The following MYLIP variants were observed in gnomAD, a reference collection of about 807,000 sequenced individuals.
MYLIP encodes the protein E3 ubiquitin-protein ligase MYLIP.
A neutral mutation model predicts 45.8 loss-of-function variants in MYLIP; 26 were observed. The observed-to-expected ratio is 0.57, with a 90% CI of 0.42 to 0.79. The LOEUF (loss-of-function observed/expected upper bound fraction) is 0.79, where lower values mean the gene tolerates loss of function less well. Ranked by LOEUF, MYLIP falls within the 30% of genes least tolerant of loss-of-function variation. The probability of loss-of-function intolerance (pLI) is 0.00; values close to 1 mark genes in which losing one functional copy is unlikely to be tolerated. For synonymous variants in MYLIP, 213 were observed against 218.1 expected, an observed-to-expected ratio of 0.98 and a Z score of 0.21; for missense variants, 494 against 555.6, an observed-to-expected ratio of 0.89 and a Z score of 1.11.
In MYLIP at chr6:16,146,748, C is replaced by G. The variant is rs1157588694; in HGVS notation, c.1335C>G (p.Ile445Met). The change falls in exon 7 of 7, where the codon ATC (isoleucine) becomes ATG (methionine). Residue 445 changes from isoleucine (I) to methionine (M), a missense_variant. Ile to Met is a conservative substitution (Grantham distance 10). Transcript: ENST00000356840. ...THTSLLNLTV[I>M] ...CCAGTCTTCTCAATCTGACTGTAATCTAATCTGTTGTGCTTTTGTTGGACT... is the reference window on the plus strand; with the variant it reads ...CCAGTCTTCTCAATCTGACTGTAATGTAATCTGTTGTGCTTTTGTTGGACT... The G allele has an allele frequency of 1.2e-6, 2 of 1,605,500 alleles. No individual in the cohort carries two copies. Among genetic ancestry groups the G allele is most frequent in the African/African-American group, 2.7e-5 (2 of 74,862 alleles).
At chr6:16,155,798 A>T in the MYLIP span, among the ~76,000 whole-genome samples, 1 of 152,194 alleles carries the variant, frequency 6.6e-6, no homozygotes, top group Non-Finnish European at 1.5e-5. Context: ...AGAACCTGTG[A>T]TGCTGTCCAT....
At chr6:16,133,843 C>T (rs933533588) in intron 2 of MYLIP, among the ~76,000 whole-genome samples, 4 of 152,186 alleles carry the variant, frequency 2.6e-5, no homozygotes, top group Non-Finnish European at 4.4e-5. Flanking sequence ...CATGGATTCT[C>T]TTTTCCAGAA....
the MYLIP span, among the ~76,000 whole-genome samples, chr6:16,158,066 GT>G: frequency 6.6e-6 from 1 of 152,234 alleles, no homozygotes; most frequent in Admixed American, 6.5e-5. Flanking sequence ...TCTTTGACAT[GT>G]GCTCTGGAGG....
the MYLIP span, among the ~76,000 whole-genome samples, chr6:16,159,638 A>C: frequency 6.6e-6 from 1 of 152,116 alleles, no homozygotes; most frequent in East Asian, 1.9e-4. Context: ...AAGGCCACCC[A>C]AGCTCCCAGC....
chr6:16,143,988 G>C, intron 5 of MYLIP, 125 bp downstream of exon 5: 1 of 1,153,236 alleles, frequency 8.7e-7, no homozygotes, highest in Non-Finnish European at 1.2e-6. Flanking sequence ...AAGAAATTCT[G>C]AACATTTTGT....
rs1391934916 is a variant in MYLIP at position 16,129,968 on chromosome 6, G to A, written c.87+559G>A. On this transcript the variant is annotated intron_variant, in intron 1 of 6. Coordinates refer to ENST00000356840, the MANE Select transcript of MYLIP (RefSeq NM_013262.4). This position sits in a 1 kb window ranked among gnomAD's most constrained non-coding sequence, Gnocchi z 5.1. ...ATAGGTTTGGGTCATCTACTGCTCG[G>A]TTGTTTTTAAGCATGTGTTTCCTTA... is the stretch of plus-strand genomic sequence containing the variant. 6.6e-6 allele frequency among the ~76,000 whole-genome samples: 1 copy of A among 152,236 alleles called. No individual in the cohort carries two copies. The highest frequency in any genetic ancestry group is 1.5e-5 in the Non-Finnish European group (1 of 68,040).
the MYLIP span, among the ~76,000 whole-genome samples, chr6:16,155,729 C>T: frequency 3.5e-4 from 53 of 152,300 alleles, no homozygotes; most frequent in East Asian, 8.9e-3. Context: ...GGGGTGAGTG[C>T]TTTCAGGCAC....
chr6:16,162,702 G>A, the MYLIP span, among the ~76,000 whole-genome samples: 2 of 150,038 alleles, frequency 1.3e-5, no homozygotes, highest in African/African-American at 5.0e-5. Flanking sequence ...TATAATCCCG[G>A]CACTTTGGAG....
chr6:16,139,078 A>G (rs756060886), intron 2 of MYLIP, among the ~76,000 whole-genome samples: 14 of 152,294 alleles, frequency 9.2e-5, no homozygotes, highest in Non-Finnish European at 2.9e-5. Context: ...TCTTCTTACT[A>G]TCTAATAAAG....
downstream of MYLIP, among the ~76,000 whole-genome samples, chr6:16,148,925 TA>T (rs1456046774): frequency 6.6e-6 from 1 of 152,212 alleles, no homozygotes; most frequent in African/African-American, 2.4e-5. Flanking sequence ...GAAGTAAATT[TA>T]TTTTTTTTAA....
rs772709118 is a variant in MYLIP at position 16,145,054 on chromosome 6, G to A, written c.985G>A (p.Ala329Thr). ...SKEVYDHARR[A>T]LYNAGVVDLV... ...GGAGGTGTATGACCATGCCAGGAGG[G>A]CTCTGTACAATGCTGGCGTTGTGGA... Residue 329 changes from alanine (A) to threonine (T), a missense_variant, in exon 6 of 7, where the codon GCT becomes ACT. Transcript: ENST00000356840. 6.2e-7 allele frequency: 1 copy of A among 1,614,082 alleles called. No homozygotes were observed. The highest frequency in any genetic ancestry group is 1.7e-5 in the Admixed American group (1 of 60,000).
At chr6:16,138,893 G>A (rs962398626) in intron 2 of MYLIP, among the ~76,000 whole-genome samples, 1 of 152,176 alleles carries the variant, frequency 6.6e-6, no homozygotes, top group Non-Finnish European at 1.5e-5. Context: ...CATCGCCCTT[G>A]CTAGATCTTT....
chr6:16,143,311 C>A, intron 4 of MYLIP, 94 bp downstream of exon 4: 1 of 1,246,858 alleles, frequency 8.0e-7, no homozygotes, highest in South Asian at 1.3e-5. Context: ...ACTCGACAGT[C>A]AGCTCTTAGG....
At position 16,146,703 on chromosome 6, in the gene MYLIP, C is replaced by T. The variant is rs778903550; in HGVS notation, c.1290C>T (p.His430=). 33 of 1,611,884 alleles carry T rather than the reference C, an allele frequency of 2.0e-5. No individual in the cohort carries two copies. The highest frequency in any genetic ancestry group is 1.6e-4 in the Middle Eastern group (1 of 6,084). The change falls in exon 7 of 7, where the codon CAC becomes CAT. Residue 430 remains histidine (H), a synonymous_variant. Coordinates refer to ENST00000356840, the MANE Select transcript of MYLIP (RefSeq NM_013262.4). ...VCRSRVEHVQ[H]VYLPTHTSLL... is the part of the protein sequence containing the mutation. Reference sequence around the variant, plus strand: ...GGTCGCGTGTGGAGCATGTCCAGCACGTCTATCTGCCAACGCACACCAGTC... The same window carrying T: ...GGTCGCGTGTGGAGCATGTCCAGCATGTCTATCTGCCAACGCACACCAGTC...
chr6:16,153,377 C>T, the MYLIP span, among the ~76,000 whole-genome samples: 1 of 152,178 alleles, frequency 6.6e-6, no homozygotes, highest in Non-Finnish European at 1.5e-5. Flanking sequence ...TTTACATCAG[C>T]GTTTCCGTTA....
chr6:16,158,514 A>G, the MYLIP span, among the ~76,000 whole-genome samples: 1 of 152,216 alleles, frequency 6.6e-6, no homozygotes, highest in East Asian at 1.9e-4. Context: ...CTATATATAC[A>G]TCTATACAGT....
chr6:16,145,334 C>T lies in MYLIP; in HGVS notation c.1248+17C>T, dbSNP rs769371025. Reference sequence around the variant, plus strand: ...CAGCTACAGGTAGGGGAGTCAGCTGCCCACTTTTGCCTGCAGCCTCACCTA... The same window carrying T: ...CAGCTACAGGTAGGGGAGTCAGCTGTCCACTTTTGCCTGCAGCCTCACCTA... On this transcript the variant is annotated intron_variant, in intron 6 of 6. Coordinates refer to ENST00000356840, the MANE Select transcript of MYLIP (RefSeq NM_013262.4). 6.4e-7 allele frequency: 1 copy of T among 1,556,662 alleles called. No individual in the cohort carries two copies. Among genetic ancestry groups the T allele is most frequent in the Admixed American group, 1.8e-5 (1 of 54,422 alleles).
intron 2 of MYLIP, among the ~76,000 whole-genome samples, chr6:16,131,321 G>T (rs1228123500): frequency 6.6e-6 from 1 of 152,216 alleles, no homozygotes; most frequent in Non-Finnish European, 1.5e-5. Context: ...TAAGGCTACT[G>T]TAACTGAATT....
chr6:16,148,090 ACT>A lies in MYLIP; in HGVS notation c.*1342_*1343del, dbSNP rs1759832653. 1 of 152,288 alleles carries A rather than the reference ACT, an allele frequency of 6.6e-6. No homozygotes were observed. The highest frequency in any genetic ancestry group is 6.6e-5 in the Admixed American group (1 of 15,242). The allele number at this position is 152,288 out of a possible 1,614,324, so 9.4% of individuals were successfully genotyped here. Reference sequence around the variant, plus strand: ...CACAGACATTTTGTCAAATATTAAAACTCTACTTTTTTATGGCACATATTAGC... The same window carrying A: ...CACAGACATTTTGTCAAATATTAAAACTACTTTTTTATGGCACATATTAGC... On this transcript the variant is annotated 3_prime_UTR_variant, in exon 7 of 7. Transcript: ENST00000356840.
Sources: allele counts gnomAD v4.1 joint callset (sites outside exome capture counted in the v4.1 genomes callset), GRCh38; gene constraint gnomAD v4.1.1; non-coding constraint Gnocchi (gnomAD v3.1); transcripts MANE v1.5; gene names NCBI Gene and HGNC (gene_info 2026-07-23, HGNC 2026-07-21).